The following CPXM1 variants were observed in gnomAD, a reference collection of about 807,000 sequenced individuals.
The protein encoded by CPXM1 is probable carboxypeptidase X1.
CPXM1 carries 72 observed loss-of-function variants against 80.4 expected under a neutral mutation model. The observed-to-expected ratio is 0.90, with a 90% CI of 0.74 to 1.09. CPXM1 has a LOEUF of 1.09. CPXM1 is among the 50% of genes least tolerant of loss of function. The probability of loss-of-function intolerance (pLI) is 0.00; values close to 1 mark genes in which losing one functional copy is unlikely to be tolerated. For missense variants in CPXM1, 892 were observed against 999.4 expected (o/e 0.89, Z 1.45); for synonymous variants, 403 against 405.6 (o/e 0.99, Z 0.08).
Position 2,798,482 on chromosome 20 carries a change from T to G in CPXM1, c.396A>C (p.Ala132=). 6.2e-7 allele frequency: 1 copy of G among 1,614,114 alleles called. No individual in the cohort carries two copies. The part of the protein sequence containing the change: ...SLRVSDSRLE[A]SSSQSFGLGP... ...CAAGACCAAAGGACTGGCTGCTGGA[T>G]GCCTCAAGCCGGCTATCTGAAACTC... Residue 132 remains alanine, a synonymous_variant, in exon 3 of 14, where the codon GCA becomes GCC. Transcript: ENST00000380605.
In CPXM1 at chr20:2,796,923, C is replaced by A. The variant is rs1386458524; in HGVS notation, c.921+83G>T. 9 of 1,305,312 alleles carry A rather than the reference C, an allele frequency of 6.9e-6. No individual in the cohort carries two copies. The highest frequency in any genetic ancestry group is 9.9e-6 in the Non-Finnish European group (9 of 910,250). The allele number at this position is 1,305,312 out of a possible 1,614,324, so 80.9% of individuals were successfully genotyped here. A position where few individuals can be genotyped will look rare whatever the true frequency, so the allele number is the denominator to read the frequency against. ...CAGGGGCATACAAGCGCAGTCACAG[C>A]AGGTTGTGCCCCGGTGGGAAGGTGG... On this transcript the variant is annotated intron_variant, in intron 7 of 13. Coordinates refer to ENST00000380605, the MANE Select transcript of CPXM1 (RefSeq NM_019609.5). The surrounding 1 kb of genome is among the most constrained non-coding windows in gnomAD (Gnocchi z 6.8).
In CPXM1 at chr20:2,795,321, C is replaced by T; in HGVS notation, c.1816G>A (p.Glu606Lys). The T allele has an allele frequency of 6.2e-7, 1 of 1,614,150 alleles. No individual in the cohort carries two copies. Among genetic ancestry groups the T allele is most frequent in the Non-Finnish European group, 8.5e-7 (1 of 1,180,028 alleles). ...KFPHENELPQ[E>K]WENNKDALLT... ...AGGGCGTCTTTGTTGTTCTCCCACT[C>T]CTGGGGCAATTCATTCTCGTGAGGG... The change falls in exon 12 of 14, where the codon GAG becomes AAG. Residue 606 changes from glutamate (E) to lysine (K), a missense_variant. Glu to Lys is a moderately conservative substitution (Grantham distance 56). This residue lies in a region of CPXM1 where 874 missense variants were observed against 958.4 expected (regional missense o/e 0.91). Coordinates refer to ENST00000380605, the MANE Select transcript of CPXM1 (RefSeq NM_019609.5). This position sits in a 1 kb window ranked among gnomAD's most constrained non-coding sequence, Gnocchi z 5.4.
In CPXM1 at chr20:2,796,997, A is replaced by G; in HGVS notation, c.921+9T>C. The G allele has an allele frequency of 6.2e-7, 1 of 1,612,140 alleles. No homozygotes were observed. The highest frequency in any genetic ancestry group is 1.1e-5 in the South Asian group (1 of 91,024). ...CCCTCCTTCCCAGGTCATAGGGGTTATATCTGACCTTCCTCATGGCCTTGT... is the reference window on the plus strand; with the variant it reads ...CCCTCCTTCCCAGGTCATAGGGGTTGTATCTGACCTTCCTCATGGCCTTGT... On this transcript the variant is annotated intron_variant, in intron 7 of 13. Coordinates refer to ENST00000380605, the MANE Select transcript of CPXM1 (RefSeq NM_019609.5). This position sits in a 1 kb window ranked among gnomAD's most constrained non-coding sequence, Gnocchi z 6.8.
Position 2,796,921 on chromosome 20 carries a change from A to G in CPXM1, c.921+85T>C. ...AGCAGGGGCATACAAGCGCAGTCAC[A>G]GCAGGTTGTGCCCCGGTGGGAAGGT... On this transcript the variant is annotated intron_variant, in intron 7 of 13. Coordinates refer to ENST00000380605, the MANE Select transcript of CPXM1 (RefSeq NM_019609.5). The surrounding 1 kb of genome is among the most constrained non-coding windows in gnomAD (Gnocchi z 6.8). The G allele has an allele frequency of 1.5e-6, 2 of 1,297,678 alleles. No homozygotes were observed. Among genetic ancestry groups the G allele is most frequent in the Non-Finnish European group, 2.2e-6 (2 of 903,630 alleles). The allele number at this position is 1,297,678 out of a possible 1,614,324, so 80.4% of individuals were successfully genotyped here.
Position 2,800,440 on chromosome 20 carries a change from G to A in CPXM1, c.133C>T (p.His45Tyr). The A allele has an allele frequency of 6.6e-7, 1 of 1,517,760 alleles. No individual in the cohort carries two copies. Among genetic ancestry groups the A allele is most frequent in the South Asian group, 1.2e-5 (1 of 81,400 alleles). The allele number at this position is 1,517,760 out of a possible 1,614,324, so 94.0% of individuals were successfully genotyped here. Reference protein sequence around the residue: ...TKVPGSTPALHSSPAQPPAET... With the variant: ...TKVPGSTPALYSSPAQPPAET... ...GCCGGCGGCTGTGCCGGGCTGCTAT[G>A]CAGGGCCGGGGTCGAGCCTGGGACC... Residue 45 changes from histidine to tyrosine, a missense_variant, in exon 1 of 14, where the codon CAT becomes TAT. By Grantham distance (83) the His-to-Tyr change is moderately conservative. Transcript: ENST00000380605.
In CPXM1 at chr20:2,795,756, C is replaced by T. The variant is rs116267300; in HGVS notation, c.1563G>A (p.Thr521=). ...GAAACACAGCATCATCTGGTGTGGG[C>T]GTGAGCTCGCGGGCAGCCCACGGGG... ...TRTPWAAREL[T]PTPDDAVFRW... The change falls in exon 11 of 14, where the codon ACG becomes ACA. Residue 521 remains threonine, a synonymous_variant. Coordinates refer to ENST00000380605, the MANE Select transcript of CPXM1 (RefSeq NM_019609.5). The surrounding 1 kb of genome is among the most constrained non-coding windows in gnomAD (Gnocchi z 5.4). The T allele has an allele frequency of 1.4e-3, 2,196 of 1,613,514 alleles. 29 individuals carry two copies. In the African/African-American group the frequency reaches 0.026, roughly 19 times the overall value.
In CPXM1 at chr20:2,794,665, C is replaced by T. The variant is rs758392407; in HGVS notation, c.1861-26G>A. ...CTGTGTGGGAAGAGGTTATCAGAGC[C>T]CTTCCCCTTCGGCAGGATAATGTGC... On this transcript the variant is annotated intron_variant, in intron 12 of 13. Coordinates refer to ENST00000380605, the MANE Select transcript of CPXM1 (RefSeq NM_019609.5). The surrounding 1 kb of genome is among the most constrained non-coding windows in gnomAD (Gnocchi z 5.2). 1 of 1,568,650 alleles carries T rather than the reference C, an allele frequency of 6.4e-7. No individual in the cohort carries two copies. The highest frequency in any genetic ancestry group is 8.7e-7 in the Non-Finnish European group (1 of 1,145,152).
At position 2,800,421 on chromosome 20, in the gene CPXM1, G is replaced by T; in HGVS notation, c.152C>A (p.Pro51Gln). ...CTCACCGTTAGCTGTCTCCGCCGGC[G>T]GCTGTGCCGGGCTGCTATGCAGGGC... ...TPALHSSPAQ[P>Q]PAETANGTSE... is the part of the protein sequence containing the mutation. Residue 51 changes from proline (P) to glutamine (Q), a missense_variant, in exon 1 of 14, where the codon CCG (proline) becomes CAG (glutamine). Physicochemically the swap from Pro to Gln is moderately conservative, Grantham distance 76. Transcript: ENST00000380605. 1.3e-6 allele frequency: 2 copies of T among 1,526,500 alleles called. No individual in the cohort carries two copies. Among genetic ancestry groups the T allele is most frequent in the South Asian group, 1.2e-5 (1 of 81,930 alleles). The allele number at this position is 1,526,500 out of a possible 1,614,324, so 94.6% of individuals were successfully genotyped here.
chr20:2,795,805 G>A lies in CPXM1; in HGVS notation c.1514C>T (p.Ser505Phe). 2 of 1,612,138 alleles carry A rather than the reference G, an allele frequency of 1.2e-6. No individual in the cohort carries two copies. The highest frequency in any genetic ancestry group is 1.1e-5 in the South Asian group (1 of 91,086). ...GGTGCGAGTCATGTCGAATGGGTAG[G>A]ACACCACGAGCTCACCCCCGTGGAG... ...ANLHGGELVV[S>F]YPFDMTRTPW... Residue 505 changes from serine (S) to phenylalanine (F), a missense_variant, in exon 11 of 14, where the codon TCC becomes TTC. Physicochemically the swap from Ser to Phe is radical, Grantham distance 155. Transcript: ENST00000380605. This position sits in a 1 kb window ranked among gnomAD's most constrained non-coding sequence, Gnocchi z 5.4.
At position 2,795,310 on chromosome 20, in the gene CPXM1, G is replaced by T; in HGVS notation, c.1827C>A (p.Asn609Lys). ...HENELPQEWE[N>K]NKDALLTYLE... is the part of the protein sequence containing the mutation. ...GGTAGGTGAGGAGGGCGTCTTTGTT[G>T]TTCTCCCACTCCTGGGGCAATTCAT... The change falls in exon 12 of 14, where the codon AAC becomes AAA. Residue 609 changes from asparagine to lysine, a missense_variant. By Grantham distance (94) the Asn-to-Lys change is moderately conservative. Around this residue, in one of 2 missense-constraint regions of CPXM1, gnomAD observed 874 missense variants for 958.4 expected, o/e 0.91. Coordinates refer to ENST00000380605, the MANE Select transcript of CPXM1 (RefSeq NM_019609.5). This position sits in a 1 kb window ranked among gnomAD's most constrained non-coding sequence, Gnocchi z 5.4. 1.9e-6 allele frequency: 3 copies of T among 1,614,122 alleles called. No homozygotes were observed. Among genetic ancestry groups the T allele is most frequent in the Non-Finnish European group, 2.5e-6 (3 of 1,180,008 alleles).
At chr20:2,800,195 GA>G (rs1339083016) in intron 1 of CPXM1, among the ~76,000 whole-genome samples, 1 of 151,648 alleles carries the variant, frequency 6.6e-6, no homozygotes, top group Non-Finnish European at 1.5e-5. Context: ...GCGCGCGTGT[GA>G]GTGCAAGTGT....
Position 2,795,632 on chromosome 20 carries a change from T to G in CPXM1, c.1687A>C (p.Ile563Leu). Residue 563 changes from isoleucine to leucine, a missense_variant, in exon 11 of 14, where the codon ATC (isoleucine) becomes CTC (leucine). Physicochemically the swap from Ile to Leu is conservative, Grantham distance 5. Transcript: ENST00000380605. This position sits in a 1 kb window ranked among gnomAD's most constrained non-coding sequence, Gnocchi z 5.4. The stretch of plus-strand genomic sequence containing the variant: ...ACCGTGTGCCAGTCAGCCCCGTTGA[T>G]GATGTTGCCGTGCACGGAGAAGTCC... ...SQDFSVHGNI[I>L]NGADWHTVPG... 6.2e-7 allele frequency: 1 copy of G among 1,614,006 alleles called. No individual in the cohort carries two copies. The highest frequency in any genetic ancestry group is 8.5e-7 in the Non-Finnish European group (1 of 1,179,940).
Position 2,795,259 on chromosome 20 carries a change from C to A in CPXM1, c.1860+18G>T, listed in dbSNP as rs1363165966. On this transcript the variant is annotated intron_variant, in intron 12 of 13. Coordinates refer to ENST00000380605, the MANE Select transcript of CPXM1 (RefSeq NM_019609.5). The surrounding 1 kb of genome is among the most constrained non-coding windows in gnomAD (Gnocchi z 5.4). Reference sequence around the variant, plus strand: ...AGGAGTGATTCAGGCAGGCTGGGGGCCGGGACGCAGATCCGACCTGCTCCA... The same window carrying A: ...AGGAGTGATTCAGGCAGGCTGGGGGACGGGACGCAGATCCGACCTGCTCCA... The A allele has an allele frequency of 1.9e-6, 3 of 1,609,836 alleles. No individual in the cohort carries two copies. Among genetic ancestry groups the A allele is most frequent in the Non-Finnish European group, 2.5e-6 (3 of 1,177,708 alleles).
In CPXM1 at chr20:2,796,726, G is replaced by T; in HGVS notation, c.922-76C>A. Reference sequence around the variant, plus strand: ...GGGCAGATCACATGTGCCATGGAAAGACTTAAAAAGTCAGCGATGGCCCAC... The same window carrying T: ...GGGCAGATCACATGTGCCATGGAAATACTTAAAAAGTCAGCGATGGCCCAC... On this transcript the variant is annotated intron_variant, in intron 7 of 13. Transcript: ENST00000380605. This position sits in a 1 kb window ranked among gnomAD's most constrained non-coding sequence, Gnocchi z 6.8. 6.3e-7 allele frequency: 1 copy of T among 1,576,262 alleles called. No individual in the cohort carries two copies. The highest frequency in any genetic ancestry group is 8.6e-7 in the Non-Finnish European group (1 of 1,158,340).
intron 1 of CPXM1, 82 bp downstream of exon 1, chr20:2,800,319 T>G: frequency 8.0e-7 from 1 of 1,251,624 alleles, no homozygotes; most frequent in Non-Finnish European, 1.1e-6. Context: ...TGTGCCCGCG[T>G]GTTAGGGAGG....
In CPXM1 at chr20:2,796,510, A is replaced by C. The variant is rs1568601466; in HGVS notation, c.1045+17T>G. The stretch of plus-strand genomic sequence containing the variant: ...CCCTGCCCTGTGCCTACCTCTCCCC[A>C]CTCCCCATGCCAGTACCCAGCTCAT... On this transcript the variant is annotated intron_variant, in intron 8 of 13. Transcript: ENST00000380605. This position sits in a 1 kb window ranked among gnomAD's most constrained non-coding sequence, Gnocchi z 6.8. 9 of 1,612,576 alleles carry C rather than the reference A, an allele frequency of 5.6e-6. No individual in the cohort carries two copies. The highest frequency in any genetic ancestry group is 6.8e-6 in the Non-Finnish European group (8 of 1,179,556).
Position 2,800,485 on chromosome 20 carries a change from C to G in CPXM1, c.88G>C (p.Ala30Pro). 7.0e-7 allele frequency: 1 copy of G among 1,432,262 alleles called. No homozygotes were observed. Among genetic ancestry groups the G allele is most frequent in the Non-Finnish European group, 9.1e-7 (1 of 1,100,392 alleles). 88.7% of individuals were successfully genotyped at this position (1,432,262 alleles called of 1,614,324 possible). The part of the protein sequence containing the change: ...GAPRNSVLGL[A>P]QPGTTKVPGS... ...GGGACCTTGGTGGTCCCGGGCTGCG[C>G]GAGGCCCAGCACCGAGTTCCTGGGC... The change falls in exon 1 of 14, where the codon GCG becomes CCG. Residue 30 changes from alanine (A) to proline (P), a missense_variant. Ala to Pro is a conservative substitution (Grantham distance 27). Transcript: ENST00000380605.
At chr20:2,799,505 G>A (rs215543) in intron 1 of CPXM1, among the ~76,000 whole-genome samples, 102,893 of 152,062 alleles carry the variant, frequency 0.68, 36,082 homozygotes, top group Middle Eastern at 0.79. Context: ...GGCAGGTGCT[G>A]GGGGTACCCA....
In CPXM1 at chr20:2,796,375, G is replaced by A; in HGVS notation, c.1114C>T (p.Leu372Phe). 6.2e-7 allele frequency: 1 copy of A among 1,614,100 alleles called. No individual in the cohort carries two copies. The highest frequency in any genetic ancestry group is 8.5e-7 in the Non-Finnish European group (1 of 1,179,998). ...TCATGGCACAGGAACTGCATCAGGA[G>A]CAGAAGCAACTCCCGCCCCAGGGCC... is the stretch of plus-strand genomic sequence containing the variant. ...NEALGRELLL[L>F]LMQFLCHEFL... Residue 372 changes from leucine (L) to phenylalanine (F), a missense_variant, in exon 9 of 14, where the codon CTC becomes TTC. By Grantham distance (22) the Leu-to-Phe change is conservative. Coordinates refer to ENST00000380605, the MANE Select transcript of CPXM1 (RefSeq NM_019609.5). This position sits in a 1 kb window ranked among gnomAD's most constrained non-coding sequence, Gnocchi z 6.8.
Sources: gnomAD v4.1 joint callset for allele counts (sites outside exome capture counted in the v4.1 genomes callset) on GRCh38, gnomAD v4.1.1 for gene constraint, gnomAD v4.1.1 regional missense constraint, Gnocchi (gnomAD v3.1) non-coding constraint, MANE v1.5 for transcripts, NCBI Gene and HGNC (gene_info 2026-07-23, HGNC 2026-07-21) for gene names.